AFTPH: variants seen among roughly 807,000 people sequenced by gnomAD.
AFTPH encodes the protein aftiphilin, also known as aftiphilin protein.
A neutral mutation model predicts 72.5 loss-of-function variants in AFTPH; 7 were observed. The ratio of observed to expected loss-of-function variants is 0.10; its 90% CI spans 0.05 to 0.18. AFTPH has a LOEUF of 0.18. Ranked by LOEUF, AFTPH falls within the 10% of genes least tolerant of loss-of-function variation. AFTPH has a pLI of 1.00. For synonymous variants in AFTPH, 337 were observed against 370.1 expected (o/e 0.91, Z 1.03); for missense variants, 979 against 1,060.5 (o/e 0.92, Z 1.07).
chr2:64,547,043 T>C (rs543985238), intron 1 of AFTPH, among the ~76,000 whole-genome samples: 233 of 152,176 alleles, frequency 1.5e-3, no homozygotes, highest in African/African-American at 5.4e-3. Context: ...AGCTAGACTC[T>C]GTCTCAAAAA....
Position 64,539,784 on chromosome 2 carries a change from C to T in AFTPH, c.-32-11659C>T, listed in dbSNP as rs1322030391. On this transcript the variant is annotated intron_variant, in intron 1 of 8. Transcript: ENST00000238856. ...AAAGTAACTCTTGAAAGAGCAGTTT[C>T]GGTAGAGCGGTAGCATGGAAGCCAG... Among the ~76,000 whole-genome samples the T allele has an allele frequency of 2.6e-5, 4 of 152,098 alleles. No individual in the cohort carries two copies. In the South Asian group the frequency reaches 6.2e-4, roughly 24 times the overall value.
chr2:64,540,548 A>G (rs993400893), intron 1 of AFTPH, among the ~76,000 whole-genome samples: 2 of 152,172 alleles, frequency 1.3e-5, no homozygotes, highest in Non-Finnish European at 2.9e-5. Context: ...TTTCATGGGA[A>G]TTTTTGAAAA....
chr2:64,568,795 A>G (rs1036984344), intron 3 of AFTPH, among the ~76,000 whole-genome samples: 4 of 152,020 alleles, frequency 2.6e-5, no homozygotes, highest in African/African-American at 4.8e-5. Context: ...ATTTTTTAGT[A>G]GAGATGGGGT....
intron 1 of AFTPH, among the ~76,000 whole-genome samples, chr2:64,545,602 A>AAAAAAAAAC (rs1670546538): frequency 7.2e-6 from 1 of 138,608 alleles, no homozygotes; most frequent in Non-Finnish European, 1.5e-5. Context: ...AAAAAAAAAA[A>AAAAAAAAAC]AAAAAAAAAA....
chr2:64,568,801 G>A lies in AFTPH; in HGVS notation c.2088-291G>A, dbSNP rs187963864. On this transcript the variant is annotated intron_variant, in intron 3 of 8. Coordinates refer to ENST00000238856, the Ensembl canonical transcript of AFTPH. The stretch of plus-strand genomic sequence containing the variant: ...ATTTTTTGTATTTTTTAGTAGAGAT[G>A]GGGTTTCACCATGTTGGCCAGGCTG... Among the ~76,000 whole-genome samples, 117 of 152,202 alleles carry A rather than the reference G, an allele frequency of 7.7e-4. No homozygotes were observed. Among genetic ancestry groups the A allele is most frequent in the Middle Eastern group, 3.4e-3 (1 of 294 alleles).
intron 2 of AFTPH, among the ~76,000 whole-genome samples, chr2:64,560,486 G>C (rs1428325335): frequency 1.3e-5 from 2 of 152,158 alleles, no homozygotes; most frequent in Non-Finnish European, 2.9e-5. Flanking sequence ...AGCTAAAAAA[G>C]CAAATGTACC....
exon 1 of AFTPH, chr2:64,524,379 G>T (rs958149786): frequency 4.9e-6 from 2 of 404,206 alleles, no homozygotes; most frequent in Non-Finnish European, 8.7e-6. Context: ...CGCGGAGGAG[G>T]TGGAGGAGGC....
At chr2:64,579,400 T>C (rs1267943221) in intron 6 of AFTPH, 86 bp from the exon 7 acceptor site, 7 of 1,036,886 alleles carry the variant, frequency 6.8e-6, no homozygotes, top group Non-Finnish European at 1.0e-5. Context: ...TGCCTAATGG[T>C]CTTGCTATAA....
At chr2:64,580,935 T>C (rs1418469289) in intron 7 of AFTPH, 6 of 251,496 alleles carry the variant, frequency 2.4e-5, no homozygotes, top group Non-Finnish European at 4.6e-5. Context: ...TCCTAAAACC[T>C]TACTAAGTGT....
At chr2:64,537,484 T>C (rs1669961628) in intron 1 of AFTPH, among the ~76,000 whole-genome samples, 1 of 152,236 alleles carries the variant, frequency 6.6e-6, no homozygotes, top group African/African-American at 2.4e-5. Flanking sequence ...CGTATGCTAC[T>C]AAACTGCAAT....
At chr2:64,576,010 A>G (rs1672758523) in intron 6 of AFTPH, among the ~76,000 whole-genome samples, 1 of 149,888 alleles carries the variant, frequency 6.7e-6, no homozygotes, top group Non-Finnish European at 1.5e-5. Flanking sequence ...AAGTGCTGGG[A>G]TTACAGGCGT....
In AFTPH at chr2:64,531,901, A is replaced by G. The variant is rs1468074992; in HGVS notation, c.-33+7289A>G. On this transcript the variant is annotated intron_variant, in intron 1 of 8. Coordinates refer to ENST00000238856, the Ensembl canonical transcript of AFTPH. ...AGAAATGACACTTTTTATTTAGAGA[A>G]AAAATATAAGATTAACTTAACTCTT... Among the ~76,000 whole-genome samples, 4 of 152,248 alleles carry G rather than the reference A, an allele frequency of 2.6e-5. No homozygotes were observed. The East Asian group carries it at 5.8e-4, about 22-fold the overall frequency.
chr2:64,528,256 A>G (rs1010667751), intron 1 of AFTPH, among the ~76,000 whole-genome samples: 6 of 152,198 alleles, frequency 3.9e-5, no homozygotes, highest in Non-Finnish European at 8.8e-5. Flanking sequence ...TTAAATATCT[A>G]CTGACACCAT....
At position 64,553,185 on chromosome 2, in the gene AFTPH, G is replaced by T. The variant is rs955598491; in HGVS notation, c.1711G>T (p.Asp571Tyr). ...TTCAGCTGGTCCTAGCCAAGTTGTA[G>T]ATTGGAATGCTTTTGAGGATGAACA... Residue 571 changes from aspartate to tyrosine, a missense_variant, in exon 2 of 9, where the codon GAT (aspartate) becomes TAT (tyrosine). Asp to Tyr is a radical substitution (Grantham distance 160, BLOSUM62 -3). Coordinates refer to ENST00000238856, the Ensembl canonical transcript of AFTPH. 6.2e-7 allele frequency: 1 copy of T among 1,614,068 alleles called. No homozygotes were observed. Among genetic ancestry groups the T allele is most frequent in the African/African-American group, 1.3e-5 (1 of 74,932 alleles).
chr2:64,585,823 G>A (rs1429171593), intron 8 of AFTPH, among the ~76,000 whole-genome samples: 1 of 127,044 alleles, frequency 7.9e-6, no homozygotes, highest in African/African-American at 3.1e-5. Context: ...GACTAATTCT[G>A]ATTAAGTATT....
Position 64,548,433 on chromosome 2 carries a change from A to AAAAAAAAAAAAAAAAC in AFTPH, c.-32-3008_-32-3007insAAAAAAAAAAAAACAA, listed in dbSNP as rs1243472946. The stretch of plus-strand genomic sequence containing the variant: ...AAAAAAAAAAAAAAAAAAAAAAAAA[A>AAAAAAAAAAAAAAAAC]AACTTTAGAAAAAGGAATCCTGTAG... On this transcript the variant is annotated intron_variant, in intron 1 of 8. Transcript: ENST00000238856. 1.9e-4 allele frequency among the ~76,000 whole-genome samples: 20 copies of AAAAAAAAAAAAAAAAC among 102,604 alleles called. 1 individual carries two copies. Among genetic ancestry groups the AAAAAAAAAAAAAAAAC allele is most frequent in the East Asian group, 2.5e-4 (1 of 3,974 alleles). 67.3% of individuals were successfully genotyped at this position (102,604 alleles called of 152,430 possible).
rs112696470 is a variant in AFTPH, at chr2:64,571,243, A to G, written c.2271+1564A>G. Reference sequence around the variant, plus strand: ...AATCACTTGGAAGACTTGTTAAAACACAAATTGTTGAGCACCGCCCCCCAC... The same window carrying G: ...AATCACTTGGAAGACTTGTTAAAACGCAAATTGTTGAGCACCGCCCCCCAC... On this transcript the variant is annotated intron_variant, in intron 5 of 8. Transcript: ENST00000238856. Among the ~76,000 whole-genome samples, 1,358 of 150,432 alleles carry G rather than the reference A, an allele frequency of 9.0e-3. 20 individuals are homozygous for G. Among genetic ancestry groups the G allele is most frequent in the African/African-American group, 0.032 (1,280 of 40,162 alleles).
At chr2:64,589,926 C>T (rs115846333) in intron 8 of AFTPH, among the ~76,000 whole-genome samples, 2,282 of 124,616 alleles carry the variant, frequency 0.018, 71 homozygotes, top group African/African-American at 0.067. Context: ...CAGATCTTTT[C>T]CTATGCAAAT....
intron 1 of AFTPH, among the ~76,000 whole-genome samples, chr2:64,544,623 C>T (rs939393296): frequency 1.3e-5 from 2 of 149,160 alleles, no homozygotes; most frequent in African/African-American, 2.5e-5. Flanking sequence ...TATTTAAAGC[C>T]CATATTTTAT....
Sources: allele counts gnomAD v4.1 joint callset (sites outside exome capture counted in the v4.1 genomes callset), GRCh38; gene constraint gnomAD v4.1.1; transcripts MANE v1.5; gene names NCBI Gene and HGNC (gene_info 2026-07-23, HGNC 2026-07-21).